The following STK3 variants were observed in gnomAD, a reference collection of about 807,000 sequenced individuals.
STK3 encodes the protein serine/threonine-protein kinase 3.
STK3 carries 41 observed loss-of-function variants against 58.0 expected under a neutral mutation model. The ratio of observed to expected loss-of-function variants is 0.71; its 90% CI spans 0.55 to 0.92. The LOEUF (loss-of-function observed/expected upper bound fraction) is 0.92. Among genes scored for constraint, STK3 ranks in the 40% least tolerant of loss-of-function variants. The pLI is 0.00. For missense variants in STK3, 479 were observed against 602.7 expected (o/e 0.79, Z 2.15); for synonymous variants, 170 against 191.0 (o/e 0.89, Z 0.91).
chr8:98,656,967 G>T (rs1224158312), intron 6 of STK3, among the ~76,000 whole-genome samples: 1 of 151,928 alleles, frequency 6.6e-6, no homozygotes, highest in Non-Finnish European at 1.5e-5. Context: ...TATTTAATAA[G>T]AATTACTCTA....
At chr8:98,788,442 A>AAAAC (rs551372318) in intron 1 of STK3, among the ~76,000 whole-genome samples, 35 of 151,610 alleles carry the variant, frequency 2.3e-4, no homozygotes, top group Middle Eastern at 3.4e-3. Flanking sequence ...CATCTCAGAA[A>AAAAC]AAACAAACAA....
At position 98,428,383 on chromosome 8, in the gene STK3, G is replaced by A. The variant is rs1470074390; in HGVS notation, n.483+5744C>T. On this transcript the variant is annotated intron_variant and non_coding_transcript_variant, in intron 3 of 3. Transcript: ENST00000517832. This position sits in a 1 kb window ranked among gnomAD's most constrained non-coding sequence, Gnocchi z 6.7. ...AAAGTAGAGCCCGAGCAGGAGAAGT[G>A]GGACGAGCAGAGTGACCAGGAGAGC... The A allele has an allele frequency of 6.2e-7, 1 of 1,614,166 alleles. No individual in the cohort carries two copies. Among genetic ancestry groups the A allele is most frequent in the South Asian group, 1.1e-5 (1 of 91,084 alleles).
the STK3 span, among the ~76,000 whole-genome samples, chr8:98,347,387 C>T: frequency 6.7e-4 from 102 of 151,494 alleles, no homozygotes; most frequent in South Asian, 0.012. Flanking sequence ...TGATGGCGGG[C>T]GCCTGTAGTC....
chr8:98,543,747 G>A (rs537437419), intron 9 of STK3, among the ~76,000 whole-genome samples: 1 of 152,288 alleles, frequency 6.6e-6, no homozygotes, highest in African/African-American at 2.4e-5. Context: ...TCTGTAGAAT[G>A]AGGAATTGCT....
At chr8:98,644,049 C>T (rs1054306037) in intron 6 of STK3, among the ~76,000 whole-genome samples, 6 of 152,068 alleles carry the variant, frequency 3.9e-5, no homozygotes, top group African/African-American at 1.4e-4. Context: ...AATAATAATA[C>T]TAAATGAACT....
chr8:98,940,795 G>A (rs906778152), intron 1 of STK3, among the ~76,000 whole-genome samples: 8 of 152,234 alleles, frequency 5.3e-5, no homozygotes, highest in African/African-American at 1.9e-4. Flanking sequence ...AGGGCAGCCC[G>A]GAGTGGCGTC....
intron 3 of STK3, among the ~76,000 whole-genome samples, chr8:98,413,998 T>C (rs1234034443): frequency 6.6e-6 from 1 of 152,260 alleles, no homozygotes; most frequent in Non-Finnish European, 1.5e-5. Context: ...GCCAGGTGGC[T>C]CATGCCTGTA....
At chr8:98,521,274 T>C (rs1173898106) in intron 10 of STK3, among the ~76,000 whole-genome samples, 15 of 152,156 alleles carry the variant, frequency 9.9e-5, no homozygotes, top group Non-Finnish European at 1.9e-4. Context: ...TATGATCTCT[T>C]GATATCCCTT....
intron 10 of STK3, among the ~76,000 whole-genome samples, chr8:98,484,560 A>G (rs966213528): frequency 2.0e-5 from 3 of 152,120 alleles, no homozygotes; most frequent in Non-Finnish European, 2.9e-5. Flanking sequence ...TTTTACATCA[A>G]TATATGTACT....
intron 6 of STK3, among the ~76,000 whole-genome samples, chr8:98,687,464 C>T (rs953082350): frequency 6.6e-6 from 1 of 152,154 alleles, no homozygotes; most frequent in South Asian, 2.1e-4. Context: ...GATCGCCCAC[C>T]GCCCACCTCC....
At position 98,720,876 on chromosome 8, in the gene STK3, A is replaced by C. The variant is rs1163753310; in HGVS notation, c.352-13565T>G. 2.6e-5 allele frequency among the ~76,000 whole-genome samples: 4 copies of C among 152,200 alleles called. No homozygotes were observed. In the East Asian group the frequency reaches 7.7e-4, roughly 29 times the overall value. On this transcript the variant is annotated intron_variant, in intron 4 of 10. Transcript: ENST00000419617. ...ACAGTTGCCAACCACAATACCAACC[A>C]ATCAAAACAGCTACCAGTGGTAAAC...
Position 98,739,707 on chromosome 8 carries a change from C to T in STK3, c.351+9569G>A, listed in dbSNP as rs373676712. 5.3e-3 allele frequency among the ~76,000 whole-genome samples: 781 copies of T among 146,808 alleles called. 10 individuals are homozygous for T. Among genetic ancestry groups the T allele is most frequent in the African/African-American group, 0.017 (690 of 39,586 alleles). ...GAGTGCCTCTCCTCCTCCAAAGGAA[C>T]GCAGCTCCTCACCAGCAACGGAACA... On this transcript the variant is annotated intron_variant, in intron 4 of 10. Transcript: ENST00000419617.
chr8:98,717,700 C>T (rs1261979268), intron 4 of STK3, among the ~76,000 whole-genome samples: 3 of 152,100 alleles, frequency 2.0e-5, no homozygotes, highest in Non-Finnish European at 4.4e-5. Flanking sequence ...TGCAGGGTCT[C>T]AAAGAGGTGT....
At chr8:98,729,218 C>T (rs1406310120) in intron 4 of STK3, among the ~76,000 whole-genome samples, 1 of 152,176 alleles carries the variant, frequency 6.6e-6, no homozygotes, top group African/African-American at 2.4e-5. Flanking sequence ...TCAAGTGATT[C>T]TCATGCCTCA....
intron 1 of STK3, among the ~76,000 whole-genome samples, chr8:98,896,210 C>G (rs1181669681): frequency 6.6e-6 from 1 of 152,172 alleles, no homozygotes; most frequent in African/African-American, 2.4e-5. Context: ...CAGATCCAAT[C>G]TACAAACTAG....
chr8:98,596,682 T>A (rs1393328043), intron 6 of STK3, among the ~76,000 whole-genome samples: 1 of 152,086 alleles, frequency 6.6e-6, no homozygotes, highest in African/African-American at 2.4e-5. Context: ...AAATTTCAAA[T>A]GAAAAATTTC....
intron 10 of STK3, among the ~76,000 whole-genome samples, chr8:98,468,880 GC>G (rs1486374750): frequency 2.0e-5 from 3 of 152,166 alleles, no homozygotes; most frequent in Non-Finnish European, 2.9e-5. Flanking sequence ...GGAGGCTGAG[GC>G]AGGCGGATCA....
At chr8:98,382,973 T>A (rs572286995) in intron 1 of STK3, among the ~76,000 whole-genome samples, 1 of 152,034 alleles carries the variant, frequency 6.6e-6, no homozygotes, top group Non-Finnish European at 1.5e-5. Flanking sequence ...GGCCCCAAGG[T>A]CCCCTCCTTA....
intron 1 of STK3, among the ~76,000 whole-genome samples, chr8:98,802,442 T>C (rs928568613): frequency 3.3e-5 from 5 of 152,166 alleles, no homozygotes; most frequent in African/African-American, 1.2e-4. Context: ...AACTTCAAAA[T>C]AATAAAGGAT....
Sources: gnomAD v4.1 joint callset for allele counts (sites outside exome capture counted in the v4.1 genomes callset) on GRCh38, gnomAD v4.1.1 for gene constraint, Gnocchi (gnomAD v3.1) non-coding constraint, MANE v1.5 for transcripts, NCBI Gene and HGNC (gene_info 2026-07-23, HGNC 2026-07-21) for gene names.